Variants in AARS1 observed in about 807,000 individuals in gnomAD.
AARS1 encodes the protein alanyl-tRNA synthetase 1.
In AARS1, 72 loss-of-function variants were observed where a neutral mutation model predicts 108.9. That is an observed-to-expected ratio of 0.66 (90% CI 0.55 to 0.80). The LOEUF is 0.80. Ranked by LOEUF, AARS1 falls within the 30% of genes least tolerant of loss-of-function variation. The pLI is 0.00. For missense variants in AARS1, 1,193 were observed against 1,233.2 expected (o/e 0.97, Z 0.49); for synonymous variants, 489 against 465.7 (o/e 1.05, Z -0.64).
At chr16:70,288,070 A>T (rs909370551) in intron 1 of AARS1, among the ~76,000 whole-genome samples, 3 of 124,908 alleles carry the variant, frequency 2.4e-5, no homozygotes, top group Non-Finnish European at 5.0e-5. Flanking sequence ...CGGCCAAGAC[A>T]CTTATTTAAG....
chr16:70,279,794 G>T (rs1430549653), intron 2 of AARS1, among the ~76,000 whole-genome samples: 2 of 152,048 alleles, frequency 1.3e-5, no homozygotes, highest in African/African-American at 4.8e-5. Context: ...TAGCTTTCCA[G>T]TGTTCCAAAA....
intron 2 of AARS1, among the ~76,000 whole-genome samples, chr16:70,279,520 T>C (rs1960639988): frequency 6.6e-6 from 1 of 150,830 alleles, no homozygotes; most frequent in South Asian, 2.1e-4. Flanking sequence ...ATTAGCCAGG[T>C]GTGGTGGCAG....
At chr16:70,272,371 T>G (rs1476221015) in intron 4 of AARS1, among the ~76,000 whole-genome samples, 1 of 151,468 alleles carries the variant, frequency 6.6e-6, no homozygotes, top group Non-Finnish European at 1.5e-5. Flanking sequence ...CTGGGTGTGG[T>G]GGCGCATGCC....
At chr16:70,285,860 A>G (rs1960827286) in intron 1 of AARS1, among the ~76,000 whole-genome samples, 1 of 152,242 alleles carries the variant, frequency 6.6e-6, no homozygotes, top group South Asian at 2.1e-4. Context: ...ATGCCCAGCC[A>G]AAGTTTTCTC....
Position 70,277,008 on chromosome 16 carries a change from G to C in AARS1, c.291C>G (p.Phe97Leu). ...AAGACCAAGAGCCCAGCATCTCGAAGAAGGTGTGATGATAGACATCCTTGC... is the reference window on the plus strand; with the variant it reads ...AAGACCAAGAGCCCAGCATCTCGAACAAGGTGTGATGATAGACATCCTTGC... ...DVGKDVYHHT[F>L]FEMLGSWSFG... The change falls in exon 3 of 21, where the codon TTC becomes TTG. Residue 97 changes from phenylalanine (F) to leucine (L), a missense_variant. Transcript: ENST00000261772. 1 of 1,614,174 alleles carries C rather than the reference G, an allele frequency of 6.2e-7. No homozygotes were observed. Among genetic ancestry groups the C allele is most frequent in the Non-Finnish European group, 8.5e-7 (1 of 1,180,044 alleles).
Position 70,265,525 on chromosome 16 carries a change from C to G in AARS1, c.1347+13G>C. On this transcript the variant is annotated intron_variant, in intron 10 of 20. Coordinates refer to ENST00000261772, the MANE Select transcript of AARS1 (RefSeq NM_001605.3). ...AGGTGTTGGGTTTCCTGTTCACTCTCCAAGTTCTTTACCTGGGCCAGTTTC... is the reference window on the plus strand; with the variant it reads ...AGGTGTTGGGTTTCCTGTTCACTCTGCAAGTTCTTTACCTGGGCCAGTTTC... The G allele has an allele frequency of 1.2e-6, 2 of 1,613,776 alleles. No homozygotes were observed. Among genetic ancestry groups the G allele is most frequent in the Non-Finnish European group, 1.7e-6 (2 of 1,179,852 alleles).
At chr16:70,275,564 C>G (rs1027138232) in intron 4 of AARS1, among the ~76,000 whole-genome samples, 1 of 151,856 alleles carries the variant, frequency 6.6e-6, no homozygotes, top group African/African-American at 2.4e-5. Flanking sequence ...AGATCGAGAC[C>G]ACCCTGGCTA....
chr16:70,261,246 C>T (rs1960124831), intron 12 of AARS1, 89 bp from the exon 13 acceptor site: 1 of 894,204 alleles, frequency 1.1e-6, no homozygotes, highest in African/African-American at 1.7e-5. Context: ...GTGTATATAA[C>T]TTCTCTTTAC....
intron 4 of AARS1, among the ~76,000 whole-genome samples, chr16:70,275,808 G>A (rs1268342036): frequency 6.6e-6 from 1 of 150,934 alleles, no homozygotes; most frequent in East Asian, 2.0e-4. Flanking sequence ...GTGGTGGCAG[G>A]CATCTGCAGT....
rs1396612588 is a variant in AARS1, at chr16:70,262,499, C to T, written c.1518G>A (p.Val506=). 1 of 1,613,510 alleles carries T rather than the reference C, an allele frequency of 6.2e-7. No homozygotes were observed. Among genetic ancestry groups the T allele is most frequent in the Non-Finnish European group, 8.5e-7 (1 of 1,179,584 alleles). Residue 506 remains valine (V), a synonymous_variant, in exon 12 of 21, where the codon GTG becomes GTA. Coordinates refer to ENST00000261772, the MANE Select transcript of AARS1 (RefSeq NM_001605.3). ...SYVFENTVAT[V]MALRREKMFV... is the part of the protein sequence containing the mutation. ...ACATCTTCTCCCTGCGCAGAGCCAT[C>T]ACCGTAGCCACTGTGTTCTCAAATA...
At position 70,269,778 on chromosome 16, in the gene AARS1, CA is replaced by C. The variant is rs2152161834; in HGVS notation, c.817-16del. 6.2e-7 allele frequency: 1 copy of C among 1,614,006 alleles called. No homozygotes were observed. Among genetic ancestry groups the C allele is most frequent in the Middle Eastern group, 1.6e-4 (1 of 6,062 alleles). On this transcript the variant is annotated splice_polypyrimidine_tract_variant and intron_variant, in intron 6 of 20. Transcript: ENST00000261772. Reference sequence around the variant, plus strand: ...GCACCTGTGCCCTATAGATAAGAATCAGGAGGCAGCCCTTTAGGAAGCAGAC... The same window carrying C: ...GCACCTGTGCCCTATAGATAAGAATCGGAGGCAGCCCTTTAGGAAGCAGAC...
At chr16:70,258,297 G>A (rs1960043911) in intron 14 of AARS1, 80 bp from the exon 15 acceptor site, 19 of 1,497,618 alleles carry the variant, frequency 1.3e-5, no homozygotes, top group Admixed American at 2.0e-5. Flanking sequence ...GCATGGTCCT[G>A]CAGGCAGGAC....
chr16:70,288,892 C>A (rs1960948436), intron 1 of AARS1, among the ~76,000 whole-genome samples: 1 of 152,130 alleles, frequency 6.6e-6, no homozygotes, highest in South Asian at 2.1e-4. Flanking sequence ...ACATCCTCAG[C>A]ATCTAGTACA....
At chr16:70,266,747 C>G (rs1484622009) in intron 9 of AARS1, among the ~76,000 whole-genome samples, 1 of 151,960 alleles carries the variant, frequency 6.6e-6, no homozygotes, top group Non-Finnish European at 1.5e-5. Context: ...GTCTCAAATT[C>G]CTGACCTCAG....
At chr16:70,262,569 C>G in intron 11 of AARS1, 45 bp from the exon 12 acceptor site, 1 of 1,556,280 alleles carries the variant, frequency 6.4e-7, no homozygotes, top group Non-Finnish European at 8.8e-7. Context: ...GGGTCAATGA[C>G]CTTTTCACTC....
intron 1 of AARS1, among the ~76,000 whole-genome samples, chr16:70,284,084 G>GA (rs1283125468): frequency 6.6e-6 from 1 of 152,084 alleles, no homozygotes; most frequent in Non-Finnish European, 1.5e-5. Flanking sequence ...GGTGGATCAC[G>GA]AGGTCAGGAG....
chr16:70,267,247 T>C lies in AARS1; in HGVS notation c.1222+412A>G, dbSNP rs1372599160. On this transcript the variant is annotated intron_variant, in intron 9 of 20. Coordinates refer to ENST00000261772, the MANE Select transcript of AARS1 (RefSeq NM_001605.3). ...ATCTTTGGAAACTGGGGAGAAAATC[T>C]TTGGAATTAATTTTCCCCAAATTGC... is the stretch of plus-strand genomic sequence containing the variant. Among the ~76,000 whole-genome samples the C allele has an allele frequency of 2.0e-5, 3 of 152,202 alleles. No individual in the cohort carries two copies. The East Asian group carries it at 5.8e-4, about 29-fold the overall frequency.
At chr16:70,262,671 A>G in intron 11 of AARS1, 147 bp from the exon 12 acceptor site, 1 of 892,938 alleles carries the variant, frequency 1.1e-6, no homozygotes, top group South Asian at 1.8e-5. Flanking sequence ...TCATTAGACA[A>G]TATGAAAGGG....
At chr16:70,263,875 G>A (rs1030048650) in intron 11 of AARS1, among the ~76,000 whole-genome samples, 1 of 152,054 alleles carries the variant, frequency 6.6e-6, no homozygotes, top group Admixed American at 6.5e-5. Context: ...GAGCTCAACT[G>A]ATCAGCCCAC....
Sources: allele counts gnomAD v4.1 joint callset (sites outside exome capture counted in the v4.1 genomes callset), GRCh38; gene constraint gnomAD v4.1.1; transcripts MANE v1.5; gene names NCBI Gene and HGNC (gene_info 2026-07-23, HGNC 2026-07-21).